The following PTGS1 variants were observed in gnomAD, a reference collection of about 807,000 sequenced individuals.
The protein encoded by PTGS1 is prostaglandin-endoperoxide synthase 1.
A neutral mutation model predicts 63.0 loss-of-function variants in PTGS1; 40 were observed. The observed-to-expected ratio is 0.63, with a 90% CI of 0.49 to 0.83. The LOEUF is 0.83. Among genes scored for constraint, PTGS1 ranks in the 40% least tolerant of loss-of-function variants. The pLI is 0.00. For synonymous variants in PTGS1, 298 were observed against 301.9 expected, an observed-to-expected ratio of 0.99 and a Z score of 0.13; for missense variants, 709 against 786.5, an observed-to-expected ratio of 0.90 and a Z score of 1.18.
chr9:122,386,417 G>A (rs1333741546), intron 8 of PTGS1, 29 bp from the exon 9 acceptor site: 1 of 1,609,422 alleles, frequency 6.2e-7, no homozygotes, highest in South Asian at 1.1e-5. Context: ...GTGCTTGGCT[G>A]ACCCTATTTC....
At chr9:122,371,306 C>G (rs754291607) in intron 2 of PTGS1, 34 bp downstream of exon 2, 2 of 1,600,118 alleles carry the variant, frequency 1.2e-6, no homozygotes, top group Non-Finnish European at 1.7e-6. Context: ...AGGGAATCCC[C>G]GGTCTTGCGC....
chr9:122,384,612 G>A (rs1306061462), intron 8 of PTGS1, among the ~76,000 whole-genome samples: 2 of 152,162 alleles, frequency 1.3e-5, no homozygotes, highest in Non-Finnish European at 2.9e-5. Context: ...ACAACCTCAT[G>A]AGCCGGGTAT....
In PTGS1 at chr9:122,390,289, A is replaced by G. The variant is rs1378013115; in HGVS notation, c.1388A>G (p.Asn463Ser). The change falls in exon 10 of 11, where the codon AAT becomes AGT. Residue 463 changes from asparagine (N) to serine (S), a missense_variant. Physicochemically the swap from Asn to Ser is conservative, Grantham distance 46 (BLOSUM62 1). Transcript: ENST00000362012. The stretch of plus-strand genomic sequence containing the variant: ...CGGGAGATGCGGCTGCAGCCCTTCA[A>G]TGAGTACCGCAAGAGGTTTGGCATG... ...ESREMRLQPF[N>S]EYRKRFGMKP... The G allele has an allele frequency of 1.9e-6, 3 of 1,614,058 alleles. No homozygotes were observed. Among genetic ancestry groups the G allele is most frequent in the Admixed American group, 1.7e-5 (1 of 60,010 alleles).
At chr9:122,381,826 T>G (rs1325334457) in intron 7 of PTGS1, 79 bp downstream of exon 7, 6 of 1,450,664 alleles carry the variant, frequency 4.1e-6, no homozygotes, top group Non-Finnish European at 4.7e-6. Flanking sequence ...GGGGCGGGGG[T>G]CTGGGTCATG....
chr9:122,377,815 G>A, intron 2 of PTGS1, 84 bp from the exon 3 acceptor site: 1 of 1,214,284 alleles, frequency 8.2e-7, no homozygotes, highest in Non-Finnish European at 1.2e-6. Context: ...CCATGCCTCT[G>A]GCCCCTCATT....
chr9:122,388,073 C>A (rs1837984749), intron 9 of PTGS1, among the ~76,000 whole-genome samples: 1 of 152,160 alleles, frequency 6.6e-6, no homozygotes, highest in Non-Finnish European at 1.5e-5. Flanking sequence ...GAGACAATAG[C>A]CTTTGTGTGA....
chr9:122,374,006 C>A (rs1836963557), intron 2 of PTGS1, among the ~76,000 whole-genome samples: 2 of 152,178 alleles, frequency 1.3e-5, no homozygotes, highest in South Asian at 4.1e-4. Context: ...CTGTGCCTGT[C>A]CCCTAGTCAC....
At chr9:122,376,464 A>AAGTGAGG (rs547476272) in intron 2 of PTGS1, among the ~76,000 whole-genome samples, 475 of 151,028 alleles carry the variant, frequency 3.1e-3, no homozygotes, top group Non-Finnish European at 5.5e-3. Flanking sequence ...CTGTGCTGTG[A>AAGTGAGG]AGTGAGGAGT....
chr9:122,378,075 T>TAAC lies in PTGS1; in HGVS notation c.211+60_211+61insAAC, dbSNP rs1250236706. ...TTGAGCCCTTCTGCTCCCCGGGCCC[T>TAAC]TTCTCCTAGACCCTAACTTCCTACC... On this transcript the variant is annotated intron_variant, in intron 3 of 10. Coordinates refer to ENST00000362012, the MANE Select transcript of PTGS1 (RefSeq NM_000962.4). 4.2e-6 allele frequency: 6 copies of TAAC among 1,434,564 alleles called. No individual in the cohort carries two copies. In the Admixed American group the frequency reaches 5.0e-5, roughly 12 times the overall value. The allele number at this position is 1,434,564 out of a possible 1,614,324, so 88.9% of individuals were successfully genotyped here. A position where few individuals can be genotyped will look rare whatever the true frequency, so the allele number is the denominator to read the frequency against.
At chr9:122,377,510 C>G (rs1837245150) in intron 2 of PTGS1, among the ~76,000 whole-genome samples, 1 of 146,078 alleles carries the variant, frequency 6.8e-6, no homozygotes, top group South Asian at 2.4e-4. Flanking sequence ...CTACTGAACT[C>G]TGACTAGGCA....
intron 5 of PTGS1, among the ~76,000 whole-genome samples, chr9:122,380,031 A>C (rs1837415893): frequency 2.6e-5 from 4 of 152,214 alleles, no homozygotes; most frequent in Admixed American, 2.6e-4. Context: ...TCTAAGGATG[A>C]CTTGTCTTTA....
intron 5 of PTGS1, 144 bp downstream of exon 5, chr9:122,379,062 G>A: frequency 2.5e-6 from 3 of 1,211,528 alleles, no homozygotes; most frequent in East Asian, 5.1e-5. Flanking sequence ...TCCAGAGCCT[G>A]GGCTGAGAAC....
intron 9 of PTGS1, among the ~76,000 whole-genome samples, chr9:122,388,745 C>T (rs1454610178): frequency 6.6e-6 from 1 of 152,158 alleles, no homozygotes; most frequent in African/African-American, 2.4e-5. Flanking sequence ...AGGCATCGCT[C>T]TAGTCTCTGC....
chr9:122,390,454 A>G, intron 10 of PTGS1, 109 bp downstream of exon 10: 1 of 1,285,720 alleles, frequency 7.8e-7, no homozygotes, highest in Non-Finnish European at 1.1e-6. Context: ...ATGTGTAACA[A>G]CCAGACTTAT....
In PTGS1 at chr9:122,386,613, T is replaced by C. The variant is rs774674911; in HGVS notation, c.1177T>C (p.Ser393Pro). Residue 393 changes from serine to proline, a missense_variant, in exon 9 of 11, where the codon TCC becomes CCC. Physicochemically the swap from Ser to Pro is moderately conservative, Grantham distance 74. Transcript: ENST00000362012. ...CCACTGGCACCCCCTCATGCCTGAC[T>C]CCTTCAAGGTGGGCTCCCAGGAGTA... is the stretch of plus-strand genomic sequence containing the variant. ...LYHWHPLMPDSFKVGSQEYSY... is the reference protein window; with the variant it reads ...LYHWHPLMPDPFKVGSQEYSY... The C allele has an allele frequency of 1.9e-6, 3 of 1,614,210 alleles. No individual in the cohort carries two copies. The highest frequency in any genetic ancestry group is 2.2e-5 in the South Asian group (2 of 91,078).
At chr9:122,379,090 G>T (rs996292142) in intron 5 of PTGS1, among the ~76,000 whole-genome samples, 172 bp downstream of exon 5, 2 of 152,160 alleles carry the variant, frequency 1.3e-5, no homozygotes, top group Admixed American at 1.3e-4. Flanking sequence ...GGCAGCAGAG[G>T]GTCTTGCCTG....
At position 122,374,067 on chromosome 9, in the gene PTGS1, G is replaced by C. The variant is rs941725352; in HGVS notation, c.94+2795G>C. ...ACTTTTGGGCTAGGGGGTGTTCCTTGCCCAAACCCTTGGAAAGGTCCTGGA... is the reference window on the plus strand; with the variant it reads ...ACTTTTGGGCTAGGGGGTGTTCCTTCCCCAAACCCTTGGAAAGGTCCTGGA... On this transcript the variant is annotated intron_variant, in intron 2 of 10. Coordinates refer to ENST00000362012, the MANE Select transcript of PTGS1 (RefSeq NM_000962.4). Among the ~76,000 whole-genome samples the C allele has an allele frequency of 2.0e-5, 3 of 152,088 alleles. No individual in the cohort carries two copies. In the East Asian group the frequency reaches 5.8e-4, roughly 29 times the overall value.
chr9:122,390,926 TCA>T (rs1300574397), intron 10 of PTGS1, among the ~76,000 whole-genome samples: 1 of 151,282 alleles, frequency 6.6e-6, no homozygotes, highest in Non-Finnish European at 1.5e-5. Context: ...GGCATAGAGG[TCA>T]GACAGCAGGT....
At chr9:122,383,017 G>A (rs1484736907) in intron 7 of PTGS1, among the ~76,000 whole-genome samples, 1 of 152,104 alleles carries the variant, frequency 6.6e-6, no homozygotes, top group Non-Finnish European at 1.5e-5. Flanking sequence ...TGGAGGGAGT[G>A]TAAAAATGGG....
Sources: allele counts gnomAD v4.1 joint callset (sites outside exome capture counted in the v4.1 genomes callset), GRCh38; gene constraint gnomAD v4.1.1; transcripts MANE v1.5; gene names NCBI Gene and HGNC (gene_info 2026-07-23, HGNC 2026-07-21).